The following SLCO4A1 variants were observed in gnomAD, a reference collection of about 807,000 sequenced individuals.
SLCO4A1 encodes colon organic anion transporter.
Under a neutral mutation model 64.6 loss-of-function variants are expected in SLCO4A1, and 51 were observed. The observed-to-expected ratio is 0.79, with a 90% confidence interval of 0.63 to 1.00. The LOEUF (loss-of-function observed/expected upper bound fraction) is 1.00. SLCO4A1 is among the 50% of genes least tolerant of loss of function. The probability of loss-of-function intolerance (pLI) is 0.00; values close to 1 mark genes in which losing one functional copy is unlikely to be tolerated. For synonymous variants in SLCO4A1, 471 were observed against 444.9 expected (o/e 1.06, Z -0.74); for missense variants, 919 against 980.5 (o/e 0.94, Z 0.84).
intron 5 of SLCO4A1, among the ~76,000 whole-genome samples, chr20:62,664,358 G>A (rs537037362): frequency 1.3e-5 from 2 of 152,302 alleles, no homozygotes; most frequent in South Asian, 4.1e-4. Context: ...GTGGCTTCCT[G>A]CCCCACTTCT....
At position 62,671,737 on chromosome 20, in the gene SLCO4A1, C is replaced by A. The variant is rs1243716954; in HGVS notation, c.2026-13C>A. On this transcript the variant is annotated splice_polypyrimidine_tract_variant and intron_variant, in intron 11 of 11. Transcript: ENST00000217159. ...AGCTCCCCACGAGGTCCAGCGGGCT[C>A]CTCTCTCCCCAGGTGCTGGGCGTCC... 6.2e-7 allele frequency: 1 copy of A among 1,610,524 alleles called. No homozygotes were observed.
chr20:62,674,937 C>T (rs948939779), downstream of SLCO4A1, among the ~76,000 whole-genome samples: 5 of 152,216 alleles, frequency 3.3e-5, no homozygotes, highest in Admixed American at 6.5e-5. Context: ...GGGTAAGGCA[C>T]GTCCGTTGTT....
At chr20:62,673,010 A>C (rs1191134198), downstream of SLCO4A1, among the ~76,000 whole-genome samples, 1 of 126,558 alleles carries the variant, frequency 7.9e-6, no homozygotes, top group Non-Finnish European at 1.9e-5. Context: ...TGCGTCGGTC[A>C]AGATCCCCCC....
In SLCO4A1 at chr20:62,680,509, T is replaced by C. The variant is rs77061995; in HGVS notation, n.212-4932T>C. Reference sequence around the variant, plus strand: ...AGTGTGACGTTAGCTGCATGTATTTTTTTAATAGAAGCCCTTTATCTGTTA... The same window carrying C: ...AGTGTGACGTTAGCTGCATGTATTTCTTTAATAGAAGCCCTTTATCTGTTA... On this transcript the variant is annotated intron_variant and non_coding_transcript_variant, in intron 2 of 2. Coordinates refer to the SLCO4A1 transcript ENST00000466818. Among the ~76,000 whole-genome samples the C allele has an allele frequency of 4.6e-5, 7 of 152,336 alleles. No individual in the cohort carries two copies. The East Asian group carries it at 1.3e-3, about 29-fold the overall frequency.
At chr20:62,673,360 G>T (rs1987418063), downstream of SLCO4A1, among the ~76,000 whole-genome samples, 1 of 143,380 alleles carries the variant, frequency 7.0e-6, no homozygotes, top group Non-Finnish European at 1.6e-5. Context: ...TCCCACCTTT[G>T]CCATGTTCAT....
chr20:62,672,280 G>A lies in SLCO4A1; in HGVS notation c.*387G>A. The A allele has an allele frequency of 8.8e-7, 1 of 1,134,588 alleles. No individual in the cohort carries two copies. The allele number at this position is 1,134,588 out of a possible 1,614,324, so 70.3% of individuals were successfully genotyped here. Reference sequence around the variant, plus strand: ...AACTGTGCATATCGAAATATATTTTGTTATTTAAGCCTGCGTCCCCGTACC... The same window carrying A: ...AACTGTGCATATCGAAATATATTTTATTATTTAAGCCTGCGTCCCCGTACC... On this transcript the variant is annotated 3_prime_UTR_variant, in exon 12 of 12. Coordinates refer to ENST00000217159, the MANE Select transcript of SLCO4A1 (RefSeq NM_016354.4).
intron 2 of SLCO4A1, among the ~76,000 whole-genome samples, chr20:62,678,564 C>T (rs1408176295): frequency 6.9e-6 from 1 of 144,266 alleles, no homozygotes; most frequent in Non-Finnish European, 1.5e-5. Flanking sequence ...CCGGGTGTTG[C>T]TCTGTCACCC....
chr20:62,648,628 G>A (rs6062689), intron 1 of SLCO4A1, among the ~76,000 whole-genome samples: 49,383 of 152,200 alleles, frequency 0.32, 8,152 homozygotes, highest in Non-Finnish European at 0.36. Context: ...CCCTCCTCCC[G>A]TGATGGGGCA....
intron 11 of SLCO4A1, among the ~76,000 whole-genome samples, chr20:62,671,028 G>A (rs1392495967): frequency 6.6e-6 from 1 of 152,260 alleles, no homozygotes; most frequent in Non-Finnish European, 1.5e-5. Flanking sequence ...CGCCTTTGGG[G>A]CCCACGTGGG....
chr20:62,656,660 C>G lies in SLCO4A1; in HGVS notation c.206C>G (p.Ala69Gly). ...LCQLWAEKHGARGTHEVRYVS... is the reference protein window; with the variant it reads ...LCQLWAEKHGGRGTHEVRYVS... ...CAGCTCTGGGCCGAGAAGCATGGCGCCCGGGGGACCCATGAGGTGCGGTAC... is the reference window on the plus strand; with the variant it reads ...CAGCTCTGGGCCGAGAAGCATGGCGGCCGGGGGACCCATGAGGTGCGGTAC... The change falls in exon 2 of 12, where the codon GCC becomes GGC. Residue 69 changes from alanine (A) to glycine (G), a missense_variant. Coordinates refer to ENST00000217159, the MANE Select transcript of SLCO4A1 (RefSeq NM_016354.4). The G allele has an allele frequency of 6.2e-7, 1 of 1,604,432 alleles. No homozygotes were observed. The highest frequency in any genetic ancestry group is 1.1e-5 in the South Asian group (1 of 89,894).
intron 7 of SLCO4A1, chr20:62,666,797 G>A: frequency 1.7e-6 from 1 of 576,226 alleles, no homozygotes; most frequent in Non-Finnish European, 3.1e-6. Flanking sequence ...GGTCCCGGCT[G>A]TGCCCCCGGG....
intron 2 of SLCO4A1, among the ~76,000 whole-genome samples, chr20:62,678,897 TGG>T: frequency 6.6e-6 from 1 of 152,170 alleles, no homozygotes; most frequent in South Asian, 2.1e-4. Context: ...TGCCAGGGGC[TGG>T]GGTGGAGAGG....
In SLCO4A1 at chr20:62,656,852, G is replaced by T. The variant is rs534641240; in HGVS notation, c.398G>T (p.Arg133Leu). Residue 133 changes from arginine to leucine, a missense_variant, in exon 2 of 12, where the codon CGC becomes CTC. By Grantham distance (102) the Arg-to-Leu change is moderately radical. Transcript: ENST00000217159. The part of the protein sequence containing the change: ...FINTVITSLE[R>L]RYDLHSYQSG... ...AACACAGTCATCACCTCCCTGGAGC[G>T]CCGCTATGACCTGCACAGCTACCAG... 1 of 1,606,666 alleles carries T rather than the reference G, an allele frequency of 6.2e-7. No homozygotes were observed. Among genetic ancestry groups the T allele is most frequent in the South Asian group, 1.1e-5 (1 of 90,524 alleles).
chr20:62,648,425 C>T lies in SLCO4A1; in HGVS notation c.-97+5872C>T, dbSNP rs185136949. The stretch of plus-strand genomic sequence containing the variant: ...GCCACAGGGGGCCTGAAGTGGCTCA[C>T]GGGCGGGGCCACCAGTCAGGGCTCC... On this transcript the variant is annotated intron_variant, in intron 1 of 11. Coordinates refer to ENST00000217159, the MANE Select transcript of SLCO4A1 (RefSeq NM_016354.4). Among the ~76,000 whole-genome samples the T allele has an allele frequency of 2.6e-3, 391 of 152,336 alleles. 4 individuals carry two copies. The highest frequency in any genetic ancestry group is 2.8e-3 in the Non-Finnish European group (189 of 68,014).
At chr20:62,690,704 G>T (rs765560429), downstream of SLCO4A1, among the ~76,000 whole-genome samples, 1 of 152,208 alleles carries the variant, frequency 6.6e-6, no homozygotes, top group Non-Finnish European at 1.5e-5. Flanking sequence ...GCAGAGAACC[G>T]CAATTCAATA....
chr20:62,673,623 C>T (rs1390923166), downstream of SLCO4A1, among the ~76,000 whole-genome samples: 2 of 144,716 alleles, frequency 1.4e-5, no homozygotes, highest in African/African-American at 4.9e-5. Flanking sequence ...CCCACCTTCT[C>T]GCCACTCTTC....
At chr20:62,678,884 C>T (rs955940621) in intron 2 of SLCO4A1, among the ~76,000 whole-genome samples, 2 of 152,080 alleles carry the variant, frequency 1.3e-5, no homozygotes, top group South Asian at 2.1e-4. Context: ...GGAGACAAGC[C>T]GTTGCCAGGG....
At position 62,661,041 on chromosome 20, in the gene SLCO4A1, C is replaced by CCCCCCCCCCCCCCCCCAA; in HGVS notation, c.1010-23_1010-22insCCCCCCCCCCCCCCCCAA. ...TCCGGGAGCCCCCAGCCCCCAGCCC[C>CCCCCCCCCCCCCCCCCAA]AGCTCACTCTGTGCCCTTCCAGGCT... On this transcript the variant is annotated intron_variant, in intron 4 of 11. Coordinates refer to ENST00000217159, the MANE Select transcript of SLCO4A1 (RefSeq NM_016354.4). The surrounding 1 kb of genome is among the most constrained non-coding windows in gnomAD (Gnocchi z 5.2). 18 of 1,424,118 alleles carry CCCCCCCCCCCCCCCCCAA rather than the reference C, an allele frequency of 1.3e-5. No homozygotes were observed. Among genetic ancestry groups the CCCCCCCCCCCCCCCCCAA allele is most frequent in the Non-Finnish European group, 1.7e-5 (17 of 1,010,118 alleles). The allele number at this position is 1,424,118 out of a possible 1,614,324, so 88.2% of individuals were successfully genotyped here.
At chr20:62,647,004 C>G (rs577223995) in intron 1 of SLCO4A1, among the ~76,000 whole-genome samples, 2 of 152,268 alleles carry the variant, frequency 1.3e-5, no homozygotes, top group East Asian at 3.8e-4. Context: ...CTGGCTCCCT[C>G]TTGCTCAGAC....
Sources: allele counts gnomAD v4.1 joint callset (sites outside exome capture counted in the v4.1 genomes callset), GRCh38; gene constraint gnomAD v4.1.1; non-coding constraint Gnocchi (gnomAD v3.1); transcripts MANE v1.5; gene names NCBI Gene and HGNC (gene_info 2026-07-23, HGNC 2026-07-21).